Variants in SAMSN1 observed in about 807,000 individuals in gnomAD.
The protein encoded by SAMSN1 is SAM domain, SH3 domain and nuclear localization signals 1, also known as SAM domain-containing protein SAMSN-1.
A neutral mutation model predicts 42.0 loss-of-function variants in SAMSN1; 31 were observed. The ratio of observed to expected loss-of-function variants is 0.74; its 90% CI spans 0.55 to 1.00. The LOEUF (loss-of-function observed/expected upper bound fraction) is 1.00. SAMSN1 is among the 50% of genes least tolerant of loss of function. SAMSN1 has a pLI of 0.00. For missense variants in SAMSN1, 464 were observed against 439.4 expected, an observed-to-expected ratio of 1.06 and a Z score of -0.50; for synonymous variants, 178 against 151.9, an observed-to-expected ratio of 1.17 and a Z score of -1.26.
chr21:14,566,498 T>C (rs568224706), intron 2 of SAMSN1, among the ~76,000 whole-genome samples: 2 of 151,804 alleles, frequency 1.3e-5, no homozygotes, highest in Non-Finnish European at 2.9e-5. Flanking sequence ...CAGGGGGAGG[T>C]TGGCCCATAA....
intron 6 of SAMSN1, among the ~76,000 whole-genome samples, chr21:14,499,244 A>C (rs1352238363): frequency 1.3e-5 from 2 of 152,152 alleles, no homozygotes; most frequent in Admixed American, 1.3e-4. Context: ...CCGTCATTTG[A>C]ATCAATATGT....
At chr21:14,509,186 A>G (rs1464322526) in intron 5 of SAMSN1, among the ~76,000 whole-genome samples, 1 of 152,102 alleles carries the variant, frequency 6.6e-6, no homozygotes, top group African/African-American at 2.4e-5. Context: ...AAAGAAAACC[A>G]TGGTGTATAT....
At chr21:14,608,280 T>C (rs1982616239) in intron 5 of SAMSN1, among the ~76,000 whole-genome samples, 1 of 152,224 alleles carries the variant, frequency 6.6e-6, no homozygotes, top group African/African-American at 2.4e-5. Context: ...ATCCTCATGG[T>C]GCTGAGAGAG....
At chr21:14,521,434 T>A (rs973689379) in intron 1 of SAMSN1, among the ~76,000 whole-genome samples, 2 of 152,242 alleles carry the variant, frequency 1.3e-5, no homozygotes, top group African/African-American at 4.8e-5. Flanking sequence ...ACGCTTTTTG[T>A]CATAGCGTTA....
intron 1 of SAMSN1, among the ~76,000 whole-genome samples, chr21:14,544,629 T>A (rs1399648921): frequency 6.6e-6 from 1 of 152,202 alleles, no homozygotes; most frequent in Non-Finnish European, 1.5e-5. Context: ...TTCTGTGATA[T>A]GTTTTGTTCA....
intron 2 of SAMSN1, among the ~76,000 whole-genome samples, chr21:14,630,095 G>C (rs1042783739): frequency 6.6e-6 from 1 of 152,132 alleles, no homozygotes; most frequent in Non-Finnish European, 1.5e-5. Flanking sequence ...AATCCGATGG[G>C]TAAAAATGTC....
At chr21:14,519,848 C>G (rs1354286695) in intron 2 of SAMSN1, among the ~76,000 whole-genome samples, 2 of 152,070 alleles carry the variant, frequency 1.3e-5, no homozygotes, top group South Asian at 2.1e-4. Flanking sequence ...CTTCTCTGTA[C>G]TATTTTATTA....
At chr21:14,569,574 A>G (rs916835495) in intron 2 of SAMSN1, among the ~76,000 whole-genome samples, 6 of 152,164 alleles carry the variant, frequency 3.9e-5, no homozygotes, top group Non-Finnish European at 8.8e-5. Context: ...AACTCCCAAG[A>G]ACTCTTGCAA....
intron 5 of SAMSN1, among the ~76,000 whole-genome samples, chr21:14,510,070 T>C (rs112541744): frequency 0.06 from 8,969 of 149,364 alleles, 821 homozygotes; most frequent in African/African-American, 0.2. Flanking sequence ...ACCCGGGAGG[T>C]GGAGGTTGCA....
chr21:14,558,199 C>A (rs1220739900), intron 2 of SAMSN1, among the ~76,000 whole-genome samples: 1 of 152,124 alleles, frequency 6.6e-6, no homozygotes, highest in Non-Finnish European at 1.5e-5. Flanking sequence ...ATCGTCTCAA[C>A]TGTATAGGTG....
intron 1 of SAMSN1, among the ~76,000 whole-genome samples, chr21:14,654,079 A>G (rs1261519785): frequency 6.6e-6 from 1 of 152,008 alleles, no homozygotes; most frequent in Non-Finnish European, 1.5e-5. Context: ...ACTTCTTTGT[A>G]TTTGGGAAGC....
chr21:14,654,545 AT>A (rs1983885930), intron 1 of SAMSN1, among the ~76,000 whole-genome samples: 1 of 152,044 alleles, frequency 6.6e-6, no homozygotes, highest in Non-Finnish European at 1.5e-5. Flanking sequence ...CATGATGGAA[AT>A]ACAGGGCCTA....
chr21:14,518,473 G>A (rs1988018605), intron 2 of SAMSN1, among the ~76,000 whole-genome samples: 1 of 152,054 alleles, frequency 6.6e-6, no homozygotes, highest in South Asian at 2.1e-4. Flanking sequence ...ACATGTTTGG[G>A]TTACACGTCC....
intron 5 of SAMSN1, among the ~76,000 whole-genome samples, chr21:14,503,050 T>A (rs1987240426): frequency 1.3e-5 from 2 of 152,212 alleles, no homozygotes; most frequent in South Asian, 4.1e-4. Flanking sequence ...TGTGCTATTG[T>A]AACTCACCCC....
At chr21:14,564,153 T>C (rs192028340) in intron 2 of SAMSN1, among the ~76,000 whole-genome samples, 77 of 152,268 alleles carry the variant, frequency 5.1e-4, no homozygotes, top group African/African-American at 1.7e-3. Flanking sequence ...CCCATGCAAT[T>C]GATTTCAAAT....
chr21:14,510,985 G>A (rs1423530582), intron 4 of SAMSN1, among the ~76,000 whole-genome samples: 1 of 152,074 alleles, frequency 6.6e-6, no homozygotes, highest in Non-Finnish European at 1.5e-5. Flanking sequence ...CTTGTTGTCT[G>A]GTCCTCTTAT....
At chr21:14,633,831 A>C (rs1218360146) in intron 2 of SAMSN1, among the ~76,000 whole-genome samples, 1 of 152,182 alleles carries the variant, frequency 6.6e-6, no homozygotes. Context: ...TGAGGGGATT[A>C]ACTCCTGACC....
At position 14,644,315 on chromosome 21, in the gene SAMSN1, C is replaced by T. The variant is rs1025178081; in HGVS notation, c.25-1182G>A. Among the ~76,000 whole-genome samples the T allele has an allele frequency of 9.9e-5, 15 of 151,016 alleles. 1 individual carries two copies. The South Asian group carries it at 2.7e-3, about 27-fold the overall frequency. ...GTGTAGGGAGGCCTTTGTCTTGCAT[C>T]GAGGGTACCAGCTCAGCCATAGCAT... On this transcript the variant is annotated intron_variant, in intron 1 of 15. Transcript: ENST00000647101.
chr21:14,626,117 C>T (rs1983163192), intron 2 of SAMSN1, among the ~76,000 whole-genome samples: 1 of 152,156 alleles, frequency 6.6e-6, no homozygotes, highest in African/African-American at 2.4e-5. Context: ...ACACCTTATA[C>T]AAAAATTACT....
Sources: allele counts gnomAD v4.1 joint callset (sites outside exome capture counted in the v4.1 genomes callset), GRCh38; gene constraint gnomAD v4.1.1; transcripts MANE v1.5; gene names NCBI Gene and HGNC (gene_info 2026-07-23, HGNC 2026-07-21).